ZBTB20: variants seen among roughly 807,000 people sequenced by gnomAD.
ZBTB20 encodes zinc finger and BTB domain-containing protein 20.
In ZBTB20, 9 loss-of-function variants were observed where a neutral mutation model predicts 56.9. The ratio of observed to expected loss-of-function variants is 0.16; its 90% CI spans 0.10 to 0.28. The LOEUF is 0.28. Ranked by LOEUF, ZBTB20 falls within the 10% of genes least tolerant of loss-of-function variation. ZBTB20 has a pLI of 1.00. For synonymous variants in ZBTB20, 417 were observed against 420.7 expected (o/e 0.99, Z 0.11); for missense variants, 655 against 1,003.0 (o/e 0.65, Z 4.69).
chr3:115,138,010 C>T (rs183723730), intron 1 of ZBTB20, among the ~76,000 whole-genome samples: 1 of 152,126 alleles, frequency 6.6e-6, no homozygotes, highest in African/African-American at 2.4e-5. Context: ...ATATTTAAGC[C>T]AGCTATTGGT....
At chr3:114,930,196 G>C (rs372279667) in intron 3 of ZBTB20, among the ~76,000 whole-genome samples, 7 of 152,194 alleles carry the variant, frequency 4.6e-5, no homozygotes, top group African/African-American at 1.7e-4. Context: ...TAAGGGAAAC[G>C]GAGCGAACTT....
intron 7 of ZBTB20, among the ~76,000 whole-genome samples, chr3:114,432,055 G>A (rs2090161800): frequency 6.6e-6 from 1 of 152,032 alleles, no homozygotes. Flanking sequence ...GCAGAGAGAG[G>A]GGGGAAAACC....
At chr3:114,376,422 G>A (rs555703946) in intron 10 of ZBTB20, among the ~76,000 whole-genome samples, 2 of 152,184 alleles carry the variant, frequency 1.3e-5, no homozygotes, top group Non-Finnish European at 2.9e-5. Context: ...GCCTTAATGT[G>A]GCATTAATGG....
chr3:114,823,767 G>A (rs919283284), intron 4 of ZBTB20, among the ~76,000 whole-genome samples: 3 of 151,886 alleles, frequency 2.0e-5, no homozygotes, highest in South Asian at 4.2e-4. Flanking sequence ...TTTATTTTAC[G>A]CAACTTGTGA....
chr3:115,069,404 G>A (rs1160985482), intron 2 of ZBTB20, among the ~76,000 whole-genome samples: 1 of 152,128 alleles, frequency 6.6e-6, no homozygotes, highest in East Asian at 1.9e-4. Context: ...CAGTGTGGGT[G>A]AGTACTGTGT....
At chr3:114,934,304 CCTT>C (rs952853222) in intron 3 of ZBTB20, among the ~76,000 whole-genome samples, 1 of 152,168 alleles carries the variant, frequency 6.6e-6, no homozygotes, top group African/African-American at 2.4e-5. Context: ...TTCAGGAAAG[CCTT>C]CTTTACTTTG....
intron 4 of ZBTB20, among the ~76,000 whole-genome samples, chr3:114,856,395 C>T (rs1245535635): frequency 6.6e-6 from 1 of 152,076 alleles, no homozygotes; most frequent in Non-Finnish European, 1.5e-5. Flanking sequence ...GTAAAAGAAG[C>T]AGCTGATGCT....
chr3:114,989,551 T>C (rs908199637), intron 2 of ZBTB20, among the ~76,000 whole-genome samples: 4 of 152,176 alleles, frequency 2.6e-5, no homozygotes. Flanking sequence ...TCCAGCTTTG[T>C]TCTTTTGGCT....
At chr3:114,817,017 T>G (rs922742108) in intron 4 of ZBTB20, among the ~76,000 whole-genome samples, 1 of 151,840 alleles carries the variant, frequency 6.6e-6, no homozygotes, top group Non-Finnish European at 1.5e-5. Context: ...AAGAAACAAT[T>G]ATAAAAGTAC....
chr3:115,018,181 G>T (rs2080052758), intron 2 of ZBTB20, among the ~76,000 whole-genome samples: 1 of 151,292 alleles, frequency 6.6e-6, no homozygotes, highest in Admixed American at 6.6e-5. Context: ...CAGTTGCCTG[G>T]AATTTATGCC....
At chr3:114,422,164 A>G (rs1488455577) in intron 7 of ZBTB20, among the ~76,000 whole-genome samples, 2 of 152,190 alleles carry the variant, frequency 1.3e-5, no homozygotes, top group African/African-American at 4.8e-5. Flanking sequence ...ATGAAAGACT[A>G]ACTACATTTT....
chr3:114,691,754 G>A (rs908129287), intron 6 of ZBTB20, among the ~76,000 whole-genome samples: 8 of 152,004 alleles, frequency 5.3e-5, no homozygotes, highest in African/African-American at 1.7e-4. Context: ...TGAGAGTAAG[G>A]AAATATATCA....
intron 2 of ZBTB20, among the ~76,000 whole-genome samples, chr3:115,036,310 T>C (rs1163700038): frequency 1.3e-5 from 2 of 152,208 alleles, no homozygotes; most frequent in African/African-American, 4.8e-5. Flanking sequence ...TTCTTTCTTT[T>C]TTTTTTCCGA....
chr3:114,981,738 A>G (rs2078337490), intron 2 of ZBTB20, among the ~76,000 whole-genome samples: 1 of 151,996 alleles, frequency 6.6e-6, no homozygotes, highest in Non-Finnish European at 1.5e-5. Flanking sequence ...GCCAAAGGAC[A>G]CCCTTTTACT....
At chr3:114,862,935 C>G (rs965895882) in intron 4 of ZBTB20, among the ~76,000 whole-genome samples, 3 of 152,066 alleles carry the variant, frequency 2.0e-5, no homozygotes, top group African/African-American at 7.2e-5. Context: ...TGAATACATA[C>G]TATGTGCCAG....
intron 5 of ZBTB20, among the ~76,000 whole-genome samples, chr3:114,791,241 G>C (rs2108807355): frequency 6.6e-6 from 1 of 152,220 alleles, no homozygotes; most frequent in Non-Finnish European, 1.5e-5. Flanking sequence ...AATTATACTT[G>C]CTGCCTTGCT....
At chr3:114,547,951 C>T (rs533490793) in intron 6 of ZBTB20, among the ~76,000 whole-genome samples, 2 of 152,270 alleles carry the variant, frequency 1.3e-5, no homozygotes, top group African/African-American at 4.8e-5. Context: ...GCTAGATATG[C>T]CACCTTGACA....
Position 114,968,134 on chromosome 3 carries a change from T to G in ZBTB20, c.-456+6232A>C, listed in dbSNP as rs966662379. Among the ~76,000 whole-genome samples, 3 of 152,150 alleles carry G rather than the reference T, an allele frequency of 2.0e-5. No individual in the cohort carries two copies. In the South Asian group the frequency reaches 6.2e-4, roughly 31 times the overall value. ...ATGCAATCTATTTAGTATATTTGAA[T>G]GTATATATTATATATAGATACATAT... On this transcript the variant is annotated intron_variant, in intron 3 of 11. Transcript: ENST00000675478.
In ZBTB20 at chr3:114,550,140, G is replaced by A. The variant is rs775797832; in HGVS notation, c.-294-49749C>T. 2.3e-4 allele frequency among the ~76,000 whole-genome samples: 35 copies of A among 151,926 alleles called. 1 individual carries two copies. Among genetic ancestry groups the A allele is most frequent in the Non-Finnish European group, 1.5e-4 (10 of 67,968 alleles). On this transcript the variant is annotated intron_variant, in intron 6 of 11. Transcript: ENST00000675478. ...TTTTTAGTAGAGATGGGGTTTCACCGTGTTAGCCAGGATGGTCTCAATCTC... is the reference window on the plus strand; with the variant it reads ...TTTTTAGTAGAGATGGGGTTTCACCATGTTAGCCAGGATGGTCTCAATCTC...
Sources: allele counts gnomAD v4.1 joint callset (sites outside exome capture counted in the v4.1 genomes callset), GRCh38; gene constraint gnomAD v4.1.1; transcripts MANE v1.5; gene names NCBI Gene and HGNC (gene_info 2026-07-23, HGNC 2026-07-21).